Variants in HYDIN observed in about 807,000 individuals in gnomAD.
HYDIN encodes HYDIN axonemal central pair apparatus protein.
Under a neutral mutation model 403.9 loss-of-function variants are expected in HYDIN, and 132 were observed. The observed-to-expected ratio is 0.33, with a 90% CI of 0.28 to 0.38. The LOEUF is 0.38. Among genes scored for constraint, HYDIN ranks in the 10% least tolerant of loss-of-function variants. HYDIN has a pLI of 1.00. For synonymous variants in HYDIN, 1,202 were observed against 1,891.7 expected (o/e 0.64, Z 9.46); for missense variants, 2,827 against 5,009.5 (o/e 0.56, Z 13.15).
At chr16:71,217,440 C>T (rs2088946159) in intron 1 of HYDIN, among the ~76,000 whole-genome samples, 1 of 152,086 alleles carries the variant, frequency 6.6e-6, no homozygotes, top group African/African-American at 2.4e-5. Flanking sequence ...TTACTTTGCC[C>T]AAGTAGAAAT....
chr16:70,997,027 AG>A (rs1292023437), intron 23 of HYDIN, among the ~76,000 whole-genome samples: 1 of 151,060 alleles, frequency 6.6e-6, no homozygotes, highest in Non-Finnish European at 1.5e-5. Context: ...TGGTCCCATC[AG>A]GGGGTGATGG....
intron 39 of HYDIN, chr16:70,959,403 C>T (rs1273266152): frequency 1.0e-5 from 2 of 198,642 alleles, no homozygotes; most frequent in Non-Finnish European, 1.9e-5. Flanking sequence ...CTCATGACTA[C>T]CCTATAAAAT....
At chr16:71,172,620 G>A (rs1189340956) in intron 5 of HYDIN, among the ~76,000 whole-genome samples, 1 of 152,106 alleles carries the variant, frequency 6.6e-6, no homozygotes, top group East Asian at 1.9e-4. Flanking sequence ...TCCATCCCTA[G>A]GCAGCCAGAT....
At chr16:70,876,306 C>T (rs2040446844) in intron 62 of HYDIN, among the ~76,000 whole-genome samples, 3 of 137,698 alleles carry the variant, frequency 2.2e-5, no homozygotes, top group African/African-American at 8.3e-5. Context: ...CTGCCTCAGC[C>T]TCCAGAGTAG....
intron 52 of HYDIN, among the ~76,000 whole-genome samples, chr16:70,901,508 A>G (rs1365921217): frequency 6.6e-6 from 1 of 151,216 alleles, no homozygotes; most frequent in African/African-American, 2.4e-5. Flanking sequence ...AAGTGAGAAC[A>G]TGGGGTATTT....
chr16:71,120,038 C>T (rs1463682644), intron 9 of HYDIN, among the ~76,000 whole-genome samples: 2 of 151,446 alleles, frequency 1.3e-5, no homozygotes, highest in African/African-American at 2.4e-5. Flanking sequence ...ATCCCTTCTT[C>T]CCAGTTCTAC....
chr16:71,077,717 G>A (rs1000180146), intron 13 of HYDIN, among the ~76,000 whole-genome samples: 1 of 151,370 alleles, frequency 6.6e-6, no homozygotes, highest in Admixed American at 6.6e-5. Flanking sequence ...ACATTAAATT[G>A]TAATATCCCA....
At chr16:71,183,529 T>C (rs1246828725) in intron 3 of HYDIN, among the ~76,000 whole-genome samples, 1 of 152,108 alleles carries the variant, frequency 6.6e-6, no homozygotes, top group Non-Finnish European at 1.5e-5. Flanking sequence ...GGCTAAAAGA[T>C]TAACTTATGA....
intron 40 of HYDIN, among the ~76,000 whole-genome samples, chr16:70,953,561 C>T (rs539847582): frequency 6.6e-6 from 1 of 152,240 alleles, no homozygotes; most frequent in Admixed American, 6.5e-5. Context: ...CCGGCTTCCC[C>T]ATGACCCCTC....
At chr16:71,177,595 T>A (rs2086722222) in intron 4 of HYDIN, among the ~76,000 whole-genome samples, 1 of 152,238 alleles carries the variant, frequency 6.6e-6, no homozygotes, top group African/African-American at 2.4e-5. Context: ...TGAGCTGCTG[T>A]ACCAAATATA....
intron 81 of HYDIN, 132 bp downstream of exon 81, chr16:70,829,486 A>C (rs1435401053): frequency 8.5e-6 from 6 of 703,374 alleles, no homozygotes; most frequent in Non-Finnish European, 1.5e-5. Flanking sequence ...CACCCTCCTC[A>C]GCCTCCCAAA....
intron 75 of HYDIN, among the ~76,000 whole-genome samples, chr16:70,847,561 C>T (rs547838591): frequency 7.2e-5 from 11 of 151,824 alleles, no homozygotes; most frequent in Admixed American, 2.0e-4. Context: ...CCAAAATCGG[C>T]AGAATAATGG....
chr16:71,184,063 T>C (rs2087022321), intron 3 of HYDIN, among the ~76,000 whole-genome samples: 1 of 152,084 alleles, frequency 6.6e-6, no homozygotes, highest in South Asian at 2.1e-4. Flanking sequence ...AATAAAAAGC[T>C]AGCAATGCTC....
At chr16:70,934,636 T>G (rs963421828) in intron 45 of HYDIN, among the ~76,000 whole-genome samples, 1 of 151,642 alleles carries the variant, frequency 6.6e-6, no homozygotes, top group African/African-American at 2.4e-5. Flanking sequence ...GGGAACATGA[T>G]TGATTGTGTT....
intron 1 of HYDIN, among the ~76,000 whole-genome samples, chr16:71,223,251 G>A (rs1773663141): frequency 6.6e-6 from 1 of 152,160 alleles, no homozygotes; most frequent in Non-Finnish European, 1.5e-5. Context: ...TAATGGTGCT[G>A]GGAAAACTGG....
intron 18 of HYDIN, among the ~76,000 whole-genome samples, chr16:71,037,243 G>T (rs971415129): frequency 6.9e-6 from 1 of 144,568 alleles, no homozygotes; most frequent in African/African-American, 2.5e-5. Context: ...CACAAAGCAA[G>T]TCCTCAAGAA....
intron 40 of HYDIN, among the ~76,000 whole-genome samples, chr16:70,953,283 A>G (rs2143924630): frequency 6.6e-6 from 1 of 152,084 alleles, no homozygotes; most frequent in East Asian, 1.9e-4. Flanking sequence ...GCATTCTTCC[A>G]GGTGCTGGGA....
At chr16:70,945,145 T>C (rs1288281205) in intron 41 of HYDIN, among the ~76,000 whole-genome samples, 4 of 152,184 alleles carry the variant, frequency 2.6e-5, no homozygotes, top group Non-Finnish European at 4.4e-5. Flanking sequence ...CAGGAGATGA[T>C]GGCAACAGGG....
chr16:71,185,604 C>T (rs958178261), intron 2 of HYDIN, among the ~76,000 whole-genome samples: 1 of 152,016 alleles, frequency 6.6e-6, no homozygotes, highest in South Asian at 2.1e-4. Flanking sequence ...CACAGCCAGT[C>T]ACATTCACAC....
Sources: allele counts gnomAD v4.1 joint callset (sites outside exome capture counted in the v4.1 genomes callset), GRCh38; gene constraint gnomAD v4.1.1; transcripts MANE v1.5; gene names NCBI Gene and HGNC (gene_info 2026-07-23, HGNC 2026-07-21).